PRRT2: variants seen among roughly 807,000 people sequenced by gnomAD.
PRRT2 encodes proline rich transmembrane protein 2.
PRRT2 carries 9 observed loss-of-function variants against 24.7 expected under a neutral mutation model. That is an observed-to-expected ratio of 0.36 (90% CI 0.22 to 0.64). PRRT2 has a LOEUF of 0.64. Ranked by LOEUF, PRRT2 falls within the 30% of genes least tolerant of loss-of-function variation. PRRT2 has a pLI of 0.65. For synonymous variants in PRRT2, 195 were observed against 175.5 expected, an observed-to-expected ratio of 1.11 and a Z score of -0.88; for missense variants, 460 against 435.0, an observed-to-expected ratio of 1.06 and a Z score of -0.51.
Position 29,814,349 on chromosome 16 carries a change from A to G in PRRT2, c.896A>G (p.Gln299Arg). The change falls in exon 3 of 4, where the codon CAG (glutamine) becomes CGG (arginine). Residue 299 changes from glutamine (Q) to arginine (R), a missense_variant. This residue lies in a region of PRRT2 where 64 missense variants were observed against 71.2 expected (regional missense o/e 0.90). Transcript: ENST00000358758. The surrounding 1 kb of genome is among the most constrained non-coding windows in gnomAD (Gnocchi z 4.1). ...AYAVMSRNSL[Q>R]QGDVDGAQRL... Reference sequence around the variant, plus strand: ...TAACCCCAGTCCCGGAACAGCCTGCAGCAGGGGGACGTGGACGGGGCCCAG... The same window carrying G: ...TAACCCCAGTCCCGGAACAGCCTGCGGCAGGGGGACGTGGACGGGGCCCAG... The G allele has an allele frequency of 6.2e-7, 1 of 1,605,610 alleles. No homozygotes were observed. Among genetic ancestry groups the G allele is most frequent in the Non-Finnish European group, 8.5e-7 (1 of 1,178,630 alleles).
At chr16:29,812,811 G>A (rs1019756829) in intron 1 of PRRT2, among the ~76,000 whole-genome samples, 179 bp from the exon 2 acceptor site, 1 of 151,726 alleles carries the variant, frequency 6.6e-6, no homozygotes, top group Non-Finnish European at 1.5e-5. Context: ...AGAAGACTTT[G>A]AGTAGAGCAC....
In PRRT2 at chr16:29,814,714, C is replaced by T; in HGVS notation, c.*76C>T. 6.6e-7 allele frequency: 1 copy of T among 1,508,864 alleles called. No homozygotes were observed. Among genetic ancestry groups the T allele is most frequent in the Non-Finnish European group, 8.9e-7 (1 of 1,122,536 alleles). 93.5% of individuals were successfully genotyped at this position (1,508,864 alleles called of 1,614,324 possible). A position where few individuals can be genotyped will look rare whatever the true frequency, so the allele number is the denominator to read the frequency against. On this transcript the variant is annotated 3_prime_UTR_variant, in exon 4 of 4. Transcript: ENST00000358758. The surrounding 1 kb of genome is among the most constrained non-coding windows in gnomAD (Gnocchi z 4.1). The stretch of plus-strand genomic sequence containing the variant: ...GGGCCCATCCCTCCCCTGGGGGGAG[C>T]CCAACTGATGGCCCTGGCCCCCACC...
Position 29,813,119 on chromosome 16 carries a change from G to A in PRRT2, c.65G>A (p.Gly22Asp), listed in dbSNP as rs1385761586. 2.5e-6 allele frequency: 4 copies of A among 1,613,970 alleles called. No homozygotes were observed. In the East Asian group the frequency reaches 6.7e-5, roughly 27 times the overall value. The change falls in exon 2 of 4, where the codon GGC (glycine) becomes GAC (aspartate). Residue 22 changes from glycine (G) to aspartate (D), a missense_variant. Coordinates refer to ENST00000358758, the MANE Select transcript of PRRT2 (RefSeq NM_145239.3). ...KGVEESPKVP[G>D]EGPGHSEAET... ...GTTGAGGAGAGTCCCAAGGTTCCAG[G>A]CGAAGGGCCTGGCCATTCTGAAGCT...
At chr16:29,813,986 C>G (rs752687571) in intron 2 of PRRT2, 53 bp downstream of exon 2, 45 of 1,531,194 alleles carry the variant, frequency 2.9e-5, no homozygotes, top group Non-Finnish European at 3.8e-5. Context: ...AGCTTCCCGC[C>G]AGCGCTGCAA....
Position 29,814,855 on chromosome 16 carries a change from T to A in PRRT2, c.*217T>A, listed in dbSNP as rs1240200103. 1 of 550,362 alleles carries A rather than the reference T, an allele frequency of 1.8e-6. No homozygotes were observed. The highest frequency in any genetic ancestry group is 3.6e-5 in the Admixed American group (1 of 27,972). 34.1% of individuals were successfully genotyped at this position (550,362 alleles called of 1,614,324 possible). ...CCTCATCCCTGCACTGGTTCCAACCTCCCTGCACTAATGCCTGCATCCCCT... is the reference window on the plus strand; with the variant it reads ...CCTCATCCCTGCACTGGTTCCAACCACCCTGCACTAATGCCTGCATCCCCT... On this transcript the variant is annotated 3_prime_UTR_variant, in exon 4 of 4. Coordinates refer to ENST00000358758, the MANE Select transcript of PRRT2 (RefSeq NM_145239.3). The surrounding 1 kb of genome is among the most constrained non-coding windows in gnomAD (Gnocchi z 4.1).
chr16:29,814,479 T>A lies in PRRT2; in HGVS notation c.1012+14T>A, dbSNP rs1406058633. The A allele has an allele frequency of 1.2e-6, 2 of 1,604,788 alleles. No homozygotes were observed. The highest frequency in any genetic ancestry group is 1.7e-6 in the Non-Finnish European group (2 of 1,175,142). ...TCAACTTAGGCGGTGAGTGGGGGCTTGGGACAGGCAGGGGAGGAATGGAAG... is the reference window on the plus strand; with the variant it reads ...TCAACTTAGGCGGTGAGTGGGGGCTAGGGACAGGCAGGGGAGGAATGGAAG... On this transcript the variant is annotated intron_variant, in intron 3 of 3. Transcript: ENST00000358758. This position sits in a 1 kb window ranked among gnomAD's most constrained non-coding sequence, Gnocchi z 4.1.
rs1900122409 is a variant in PRRT2, at chr16:29,814,021, T to C, written c.879+88T>C. ...ATAGAGCCTCTGGAGTAATCATGCC[T>C]TCCTTCCCCTCTCCTCTCTGCATGG... On this transcript the variant is annotated intron_variant, in intron 2 of 3. Coordinates refer to ENST00000358758, the MANE Select transcript of PRRT2 (RefSeq NM_145239.3). This position sits in a 1 kb window ranked among gnomAD's most constrained non-coding sequence, Gnocchi z 4.1. 6.6e-7 allele frequency: 1 copy of C among 1,506,748 alleles called. No homozygotes were observed. Among genetic ancestry groups the C allele is most frequent in the Non-Finnish European group, 8.8e-7 (1 of 1,132,914 alleles). The allele number at this position is 1,506,748 out of a possible 1,614,324, so 93.3% of individuals were successfully genotyped here.
chr16:29,813,049 C>G lies in PRRT2; in HGVS notation c.-6C>G. 1.3e-6 allele frequency: 2 copies of G among 1,591,566 alleles called. No individual in the cohort carries two copies. Among genetic ancestry groups the G allele is most frequent in the Non-Finnish European group, 1.7e-6 (2 of 1,169,854 alleles). Reference sequence around the variant, plus strand: ...ATAGGGGCTCTCTCCCCTCTCCCATCTCAAGATGGCAGCCAGCAGCTCTGA... The same window carrying G: ...ATAGGGGCTCTCTCCCCTCTCCCATGTCAAGATGGCAGCCAGCAGCTCTGA... On this transcript the variant is annotated 5_prime_UTR_variant, in exon 2 of 4. The change creates a new upstream start codon in the 5' untranslated region. Transcript: ENST00000358758.
rs1900221138 is a variant in PRRT2 at position 29,815,803 on chromosome 16, T to G, written c.*1165T>G. Reference sequence around the variant, plus strand: ...TCTTAAAAAAAAAAAAAAAAGGCTATTATCAAACTGATTTCTCCCTTTTTG... The same window carrying G: ...TCTTAAAAAAAAAAAAAAAAGGCTAGTATCAAACTGATTTCTCCCTTTTTG... On this transcript the variant is annotated 3_prime_UTR_variant, in exon 4 of 4. Coordinates refer to ENST00000358758, the MANE Select transcript of PRRT2 (RefSeq NM_145239.3). 1 of 145,338 alleles carries G rather than the reference T, an allele frequency of 6.9e-6. No individual in the cohort carries two copies. Among genetic ancestry groups the G allele is most frequent in the African/African-American group, 2.6e-5 (1 of 38,756 alleles). 9.0% of individuals were successfully genotyped at this position (145,338 alleles called of 1,614,324 possible).
Position 29,813,540 on chromosome 16 carries a change from C to T in PRRT2, c.486C>T (p.Thr162=), listed in dbSNP as rs1357743841. 2 of 1,613,808 alleles carry T rather than the reference C, an allele frequency of 1.2e-6. No individual in the cohort carries two copies. The highest frequency in any genetic ancestry group is 2.2e-5 in the South Asian group (2 of 91,082). ...PKPALQPELP[T]QEDPTPEILS... ...CAGCCCTTCAACCAGAGCTCCCTACCCAGGAGGACCCCACCCCTGAGATTC... is the reference window on the plus strand; with the variant it reads ...CAGCCCTTCAACCAGAGCTCCCTACTCAGGAGGACCCCACCCCTGAGATTC... Residue 162 remains threonine, a synonymous_variant, in exon 2 of 4, where the codon ACC becomes ACT. Coordinates refer to ENST00000358758, the MANE Select transcript of PRRT2 (RefSeq NM_145239.3).
chr16:29,812,957 T>G, intron 1 of PRRT2, 33 bp from the exon 2 acceptor site: 2 of 1,361,906 alleles, frequency 1.5e-6, no homozygotes, highest in Non-Finnish European at 2.0e-6. Flanking sequence ...CCCTCTTCCC[T>G]CCTCACCCCA....
Position 29,814,030 on chromosome 16 carries a change from C to T in PRRT2, c.879+97C>T, listed in dbSNP as rs1244347389. ...CTGGAGTAATCATGCCTTCCTTCCC[C>T]TCTCCTCTCTGCATGGATCCCACCT... On this transcript the variant is annotated intron_variant, in intron 2 of 3. Coordinates refer to ENST00000358758, the MANE Select transcript of PRRT2 (RefSeq NM_145239.3). This position sits in a 1 kb window ranked among gnomAD's most constrained non-coding sequence, Gnocchi z 4.1. 2.0e-6 allele frequency: 3 copies of T among 1,502,716 alleles called. No individual in the cohort carries two copies. The highest frequency in any genetic ancestry group is 2.7e-6 in the Non-Finnish European group (3 of 1,132,070). The allele number at this position is 1,502,716 out of a possible 1,614,324, so 93.1% of individuals were successfully genotyped here. A position where few individuals can be genotyped will look rare whatever the true frequency, so the allele number is the denominator to read the frequency against.
chr16:29,812,935 C>A, intron 1 of PRRT2, 55 bp from the exon 2 acceptor site: 1 of 1,076,906 alleles, frequency 9.3e-7, no homozygotes, highest in Non-Finnish European at 1.3e-6. Context: ...ATTGGGCCTG[C>A]AGTGCTGAGC....
chr16:29,815,366 G>A lies in PRRT2; in HGVS notation c.*728G>A, dbSNP rs1202030083. 2 of 152,644 alleles carry A rather than the reference G, an allele frequency of 1.3e-5. No individual in the cohort carries two copies. The highest frequency in any genetic ancestry group is 1.9e-4 in the East Asian group (1 of 5,188). 9.5% of individuals were successfully genotyped at this position (152,644 alleles called of 1,614,324 possible). On this transcript the variant is annotated 3_prime_UTR_variant, in exon 4 of 4. Coordinates refer to ENST00000358758, the MANE Select transcript of PRRT2 (RefSeq NM_145239.3). ...TCGCAGAGTTGGCAAGCCGGGCCTC[G>A]TATGGGGACTCGGGTGAGGGTGGCG...
At position 29,815,094 on chromosome 16, in the gene PRRT2, C is replaced by G. The variant is rs1054061052; in HGVS notation, c.*456C>G. 2.9e-5 allele frequency: 5 copies of G among 173,618 alleles called. No homozygotes were observed. Among genetic ancestry groups the G allele is most frequent in the African/African-American group, 1.2e-4 (5 of 42,136 alleles). 10.8% of individuals were successfully genotyped at this position (173,618 alleles called of 1,614,324 possible). On this transcript the variant is annotated 3_prime_UTR_variant, in exon 4 of 4. Coordinates refer to ENST00000358758, the MANE Select transcript of PRRT2 (RefSeq NM_145239.3). ...GGCATCTCTCAACCCTCAGTCCTCT[C>G]TTCCTTCCCTTCTTTATCATCTCCC...
chr16:29,813,177 A>G lies in PRRT2; in HGVS notation c.123A>G (p.Val41=). 1 of 1,613,898 alleles carries G rather than the reference A, an allele frequency of 6.2e-7. No homozygotes were observed. Among genetic ancestry groups the G allele is most frequent in the Non-Finnish European group, 8.5e-7 (1 of 1,179,984 alleles). The stretch of plus-strand genomic sequence containing the variant: ...GCCCTCCCCAGGTCCTAGCAGGGGT[A>G]CCAGACCAGCCAGAGGCCCCGCAGC... ...ETGPPQVLAG[V]PDQPEAPQPG... is the part of the protein sequence containing the mutation. Residue 41 remains valine (V), a synonymous_variant, in exon 2 of 4, where the codon GTA becomes GTG. Transcript: ENST00000358758.
At position 29,813,756 on chromosome 16, in the gene PRRT2, G is replaced by T. The variant is rs765496456; in HGVS notation, c.702G>T (p.Gly234=). ...EEDRMRRAHS[G]HPGSPRGSLS... is the part of the protein sequence containing the mutation. ...ATCGAATGAGAAGGGCACACAGTGG[G>T]CATCCAGGATCTCCCCGAGGTAGCC... The change falls in exon 2 of 4, where the codon GGG becomes GGT. Residue 234 remains glycine (G), a synonymous_variant. Transcript: ENST00000358758. 1.3e-6 allele frequency: 2 copies of T among 1,590,930 alleles called. No homozygotes were observed. Among genetic ancestry groups the T allele is most frequent in the Non-Finnish European group, 1.7e-6 (2 of 1,167,948 alleles).
rs550148265 is a variant in PRRT2, at chr16:29,812,969, G to A, written c.-65-21G>A. The A allele has an allele frequency of 4.9e-6, 7 of 1,440,928 alleles. No individual in the cohort carries two copies. The Admixed American group carries it at 1.1e-4, about 23-fold the overall frequency. The allele number at this position is 1,440,928 out of a possible 1,614,324, so 89.3% of individuals were successfully genotyped here. A position where few individuals can be genotyped will look rare whatever the true frequency, so the allele number is the denominator to read the frequency against. ...GCGCCCTCTTCCCTCCTCACCCCAA[G>A]CCTATCTCCTCCTCTTCCAGGGTTT... On this transcript the variant is annotated intron_variant, in intron 1 of 3. Transcript: ENST00000358758.
In PRRT2 at chr16:29,814,902, C is replaced by T. The variant is rs1474023491; in HGVS notation, c.*264C>T. The T allele has an allele frequency of 1.2e-5, 6 of 491,018 alleles. No homozygotes were observed. In the Admixed American group the frequency reaches 1.5e-4, roughly 13 times the overall value. 30.4% of individuals were successfully genotyped at this position (491,018 alleles called of 1,614,324 possible). The stretch of plus-strand genomic sequence containing the variant: ...CCCTCCGGCCTCTTGGCCCCCTATC[C>T]CTGCACTTCTGGAAACCTCCCTGCA... On this transcript the variant is annotated 3_prime_UTR_variant, in exon 4 of 4. Transcript: ENST00000358758. This position sits in a 1 kb window ranked among gnomAD's most constrained non-coding sequence, Gnocchi z 4.1.
Sources: allele counts gnomAD v4.1 joint callset (sites outside exome capture counted in the v4.1 genomes callset), GRCh38; gene constraint gnomAD v4.1.1; regional missense constraint gnomAD v4.1.1; non-coding constraint Gnocchi (gnomAD v3.1); transcripts MANE v1.5; gene names NCBI Gene and HGNC (gene_info 2026-07-23, HGNC 2026-07-21).